ROBO2: variants seen among roughly 807,000 people sequenced by gnomAD.
ROBO2 encodes the protein roundabout guidance receptor 2.
A neutral mutation model predicts 160.8 loss-of-function variants in ROBO2; 53 were observed. The ratio of observed to expected loss-of-function variants is 0.33; its 90% CI spans 0.26 to 0.41. ROBO2 has a LOEUF of 0.41. Among genes scored for constraint, ROBO2 ranks in the 10% least tolerant of loss-of-function variants. ROBO2 has a pLI of 1.00. For missense variants in ROBO2, 1,577 were observed against 1,722.4 expected, an observed-to-expected ratio of 0.92 and a Z score of 1.49; for synonymous variants, 664 against 611.7, an observed-to-expected ratio of 1.09 and a Z score of -1.26.
chr3:77,632,529 T>G, intron 23 of ROBO2: 1 of 1,535,788 alleles, frequency 6.5e-7, no homozygotes, highest in Non-Finnish European at 8.7e-7. Flanking sequence ...ACTTTTCTAG[T>G]CATAGATCTA....
intron 5 of ROBO2, among the ~76,000 whole-genome samples, chr3:77,493,838 G>A (rs2086443339): frequency 6.6e-6 from 1 of 152,160 alleles, no homozygotes; most frequent in South Asian, 2.1e-4. Flanking sequence ...TAAAGGAAAG[G>A]TCAGCATAAC....
intron 2 of ROBO2, among the ~76,000 whole-genome samples, chr3:76,759,934 C>T (rs1004115562): frequency 6.6e-6 from 1 of 151,784 alleles, no homozygotes. Flanking sequence ...CCAAGAATCT[C>T]ATCCTAGTCT....
chr3:77,311,434 T>C (rs1040341264), intron 2 of ROBO2, among the ~76,000 whole-genome samples: 20 of 152,216 alleles, frequency 1.3e-4, no homozygotes, highest in Non-Finnish European at 1.2e-4. Flanking sequence ...GGCTATGTAA[T>C]TGGCTTCTAT....
chr3:76,435,502 G>A lies in ROBO2; in HGVS notation c.109+497900G>A, dbSNP rs576990144. ...TCTGTATCAAGATGGTTCTTTTCGC[G>A]ATTTCCTCTACCTTGGTGCTCTTAA... is the stretch of plus-strand genomic sequence containing the variant. On this transcript the variant is annotated intron_variant, in intron 2 of 26. Coordinates refer to the ROBO2 transcript ENST00000487694. 424 of 655,822 alleles carry A rather than the reference G, an allele frequency of 6.5e-4. 3 individuals are homozygous for A. The highest frequency in any genetic ancestry group is 5.4e-3 in the Middle Eastern group (13 of 2,392). The allele number at this position is 655,822 out of a possible 1,614,324, so 40.6% of individuals were successfully genotyped here.
At chr3:77,371,390 T>G (rs1309711622) in intron 2 of ROBO2, among the ~76,000 whole-genome samples, 1 of 152,188 alleles carries the variant, frequency 6.6e-6, no homozygotes, top group African/African-American at 2.4e-5. Flanking sequence ...TCCGTTCTCC[T>G]GCCTCCCTTC....
chr3:77,529,232 G>A (rs1286017826), intron 6 of ROBO2, among the ~76,000 whole-genome samples: 2 of 151,180 alleles, frequency 1.3e-5, no homozygotes, highest in Non-Finnish European at 3.0e-5. Context: ...GATTGAGAAC[G>A]ATCTGACACT....
intron 2 of ROBO2, among the ~76,000 whole-genome samples, chr3:76,160,711 A>T (rs1003452933): frequency 6.6e-6 from 1 of 152,130 alleles, no homozygotes; most frequent in Non-Finnish European, 1.5e-5. Context: ...AGCAGAATTC[A>T]TGTTGCTATG....
chr3:76,716,545 T>TTA (rs1172140079), intron 2 of ROBO2, among the ~76,000 whole-genome samples: 1 of 151,972 alleles, frequency 6.6e-6, no homozygotes, highest in Non-Finnish European at 1.5e-5. Flanking sequence ...ATCTAGATTG[T>TTA]TATATATATC....
intron 2 of ROBO2, among the ~76,000 whole-genome samples, chr3:76,189,726 A>G (rs910285623): frequency 4.6e-5 from 7 of 152,272 alleles, no homozygotes; most frequent in African/African-American, 1.7e-4. Flanking sequence ...GTCATTTTCT[A>G]TGAAAAGAAG....
chr3:76,162,829 A>G lies in ROBO2; in HGVS notation c.109+225227A>G, dbSNP rs568835526. On this transcript the variant is annotated intron_variant, in intron 2 of 26. Coordinates refer to the ROBO2 transcript ENST00000487694. ...TTAGACATCCCTATACTACTCCTTC[A>G]TATTATTATATTGACTTAAAATATT... Among the ~76,000 whole-genome samples, 3 of 152,116 alleles carry G rather than the reference A, an allele frequency of 2.0e-5. No individual in the cohort carries two copies. In the East Asian group the frequency reaches 5.8e-4, roughly 29 times the overall value.
Position 75,979,505 on chromosome 3 carries a change from C to T in ROBO2, c.109+41903C>T, listed in dbSNP as rs1450096193. Among the ~76,000 whole-genome samples the T allele has an allele frequency of 6.0e-5, 9 of 151,084 alleles. 1 individual carries two copies. The highest frequency in any genetic ancestry group is 1.3e-4 in the Admixed American group (2 of 15,088). On this transcript the variant is annotated intron_variant, in intron 2 of 26. Coordinates refer to the ROBO2 transcript ENST00000487694. Reference sequence around the variant, plus strand: ...AGTGATTACATTGGAAAAATGGTTCCGAGGACAGGTTTTTTTCACAATCTA... The same window carrying T: ...AGTGATTACATTGGAAAAATGGTTCTGAGGACAGGTTTTTTTCACAATCTA...
chr3:76,583,852 T>G (rs2085858630), intron 2 of ROBO2, among the ~76,000 whole-genome samples: 1 of 152,186 alleles, frequency 6.6e-6, no homozygotes, highest in Non-Finnish European at 1.5e-5. Flanking sequence ...CCACACCTAA[T>G]TTTAGATATA....
chr3:77,338,268 T>C lies in ROBO2; in HGVS notation c.389-139146T>C, dbSNP rs958926033. 1.4e-4 allele frequency among the ~76,000 whole-genome samples: 22 copies of C among 152,164 alleles called. 1 individual carries two copies. The highest frequency in any genetic ancestry group is 5.9e-5 in the Non-Finnish European group (4 of 68,028). ...ATTGAGTCTTTTCTATTTCTCATTG[T>C]TTGTGATGCTTTTAAATCAAGGGCA... On this transcript the variant is annotated intron_variant, in intron 2 of 25. Coordinates refer to ENST00000461745, the Ensembl canonical transcript of ROBO2.
At chr3:76,226,213 G>T (rs1308688117) in intron 2 of ROBO2, among the ~76,000 whole-genome samples, 1 of 152,142 alleles carries the variant, frequency 6.6e-6, no homozygotes. Context: ...TAACATTAGA[G>T]AAGGCAAATA....
Position 76,624,605 on chromosome 3 carries a change from C to T in ROBO2, c.110-473409C>T, listed in dbSNP as rs1257277464. Among the ~76,000 whole-genome samples the T allele has an allele frequency of 2.0e-5, 3 of 151,638 alleles. No homozygotes were observed. In the East Asian group the frequency reaches 5.8e-4, roughly 30 times the overall value. On this transcript the variant is annotated intron_variant, in intron 2 of 26. Coordinates refer to the ROBO2 transcript ENST00000487694. The stretch of plus-strand genomic sequence containing the variant: ...CCTGAGGTTAGGAGTTTGCCACCAG[C>T]CTGGCCAACGTGGTGAAACCCCGTC...
chr3:77,610,070 A>G (rs2153697518), intron 21 of ROBO2, among the ~76,000 whole-genome samples: 1 of 151,610 alleles, frequency 6.6e-6, no homozygotes, highest in Admixed American at 6.6e-5. Flanking sequence ...AAAAATTAAT[A>G]GATTGGGCAT....
chr3:76,852,830 A>T (rs191057694), intron 2 of ROBO2, among the ~76,000 whole-genome samples: 1 of 151,090 alleles, frequency 6.6e-6, no homozygotes, highest in Non-Finnish European at 1.5e-5. Context: ...TGGTACATTC[A>T]CTGTTATATA....
intron 2 of ROBO2, among the ~76,000 whole-genome samples, chr3:76,652,738 C>T (rs1234686864): frequency 1.3e-5 from 2 of 151,500 alleles, no homozygotes; most frequent in Non-Finnish European, 2.9e-5. Flanking sequence ...GAAAATACAG[C>T]TGAAAGTCAT....
At chr3:76,758,990 G>T (rs781257430) in intron 2 of ROBO2, among the ~76,000 whole-genome samples, 37 of 151,878 alleles carry the variant, frequency 2.4e-4, no homozygotes, top group Non-Finnish European at 5.0e-4. Context: ...TTTTAAAATA[G>T]ATGTCATGTC....
Sources: allele counts gnomAD v4.1 joint callset (sites outside exome capture counted in the v4.1 genomes callset), GRCh38; gene constraint gnomAD v4.1.1; transcripts MANE v1.5; gene names NCBI Gene and HGNC (gene_info 2026-07-23, HGNC 2026-07-21).